The following ADAM8 variants were observed in gnomAD, a reference collection of about 807,000 sequenced individuals.
The protein encoded by ADAM8 is disintegrin and metalloproteinase domain-containing protein 8.
A neutral mutation model predicts 102.4 loss-of-function variants in ADAM8; 104 were observed. The observed-to-expected ratio is 1.02, with a 90% CI of 0.87 to 1.20. The LOEUF is 1.20. Ranked by LOEUF, ADAM8 falls within the 50% of genes most tolerant of loss-of-function variation. The probability of loss-of-function intolerance (pLI) is 0.00; values close to 1 mark genes in which losing one functional copy is unlikely to be tolerated. For synonymous variants in ADAM8, 517 were observed against 485.2 expected, an observed-to-expected ratio of 1.07 and a Z score of -0.86; for missense variants, 1,132 against 1,159.0, an observed-to-expected ratio of 0.98 and a Z score of 0.34.
At chr10:133,268,974 A>T in intron 18 of ADAM8, 112 bp from the exon 19 acceptor site, 1 of 1,500,224 alleles carries the variant, frequency 6.7e-7, no homozygotes. Context: ...TGCCCTGTGG[A>T]CCCCTCAGGG....
At position 133,267,390 on chromosome 10, in the gene ADAM8, AG is replaced by A; in HGVS notation, c.2280del (p.Phe761SerfsTer48). The part of the protein sequence containing the change: ...PAPPVTVSSP[P>X]FPVPVYTRQA... ...TGCCGGGTGTAGACAGGAACTGGGA[AG>A]GGTGGGCTGGACACAGTGACCGGAG... is the stretch of plus-strand genomic sequence containing the variant. On this transcript the variant is annotated frameshift_variant, in exon 21 of 23. Coordinates refer to ENST00000445355, the MANE Select transcript of ADAM8 (RefSeq NM_001109.5). LOFTEE classifies it high-confidence loss of function. The A allele has an allele frequency of 1.2e-6, 2 of 1,610,668 alleles. No homozygotes were observed. Among genetic ancestry groups the A allele is most frequent in the Non-Finnish European group, 1.7e-6 (2 of 1,179,222 alleles).
chr10:133,274,145 C>G lies in ADAM8; in HGVS notation c.227+14G>C. The G allele has an allele frequency of 6.3e-7, 1 of 1,583,530 alleles. No homozygotes were observed. The highest frequency in any genetic ancestry group is 1.3e-5 in the African/African-American group (1 of 74,420). On this transcript the variant is annotated intron_variant, in intron 3 of 22. Transcript: ENST00000445355. ...CCAGGCCCGGGCAGGGGGGCCGACC[C>G]GAGACCCACTCACCTGTTCTTCCGC... is the stretch of plus-strand genomic sequence containing the variant.
At chr10:133,272,369 GCCCTCCCTCCC>G in intron 9 of ADAM8, 36 bp downstream of exon 9, 1 of 197,700 alleles carries the variant, frequency 5.1e-6, no homozygotes, top group Non-Finnish European at 7.4e-6. Context: ...CACCCTGCCC[GCCCTCCCTCCC>G]CAGCCCTCCC....
chr10:133,273,141 T>C, intron 6 of ADAM8, 113 bp downstream of exon 6: 3 of 1,586,784 alleles, frequency 1.9e-6, no homozygotes, highest in Non-Finnish European at 2.6e-6. Context: ...CCAGGCCTGC[T>C]CCAGGCTGCA....
chr10:133,270,335 C>T (rs374643932), intron 16 of ADAM8, 25 bp downstream of exon 16: 159 of 1,564,986 alleles, frequency 1.0e-4, no homozygotes, highest in Non-Finnish European at 1.3e-4. Context: ...TGGGGGGTGG[C>T]GCGGCCTCTG....
rs529168738 is a variant in ADAM8, at chr10:133,272,696, G to C, written c.705+102C>G. The stretch of plus-strand genomic sequence containing the variant: ...CACGGCGAGGTGGGGCCAGGCACAG[G>C]TGCGGGGCAGAGCTGGAGCAGGTGG... On this transcript the variant is annotated intron_variant, in intron 8 of 22. Transcript: ENST00000445355. The C allele has an allele frequency of 9.1e-6, 14 of 1,535,798 alleles. No individual in the cohort carries two copies. The East Asian group carries it at 2.5e-4, about 27-fold the overall frequency.
chr10:133,270,859 G>A (rs375446008), intron 14 of ADAM8, 22 bp downstream of exon 14: 128 of 1,610,406 alleles, frequency 7.9e-5, no homozygotes, highest in Non-Finnish European at 1.0e-4. Context: ...ACCCTGCCAG[G>A]CCAGCTCTGT....
intron 1 of ADAM8, 113 bp from the exon 2 acceptor site, chr10:133,275,700 A>T: frequency 1.7e-6 from 1 of 584,140 alleles, no homozygotes; most frequent in South Asian, 2.5e-5. Context: ...CCCCTGGGGA[A>T]CTCACCAGAT....
intron 2 of ADAM8, chr10:133,275,081 C>T (rs1440933605): frequency 2.4e-5 from 7 of 286,120 alleles, no homozygotes; most frequent in East Asian, 2.6e-4. Flanking sequence ...CAGCCCCAGT[C>T]GGGGAGGGGG....
chr10:133,275,559 G>A lies in ADAM8; in HGVS notation c.75C>T (p.Leu25=). ...GCAACACGACCTCATACTGCTCCATGAGGGCCCAGGGCCGGCTGGGGGCAA... is the reference window on the plus strand; with the variant it reads ...GCAACACGACCTCATACTGCTCCATAAGGGCCCAGGGCCGGCTGGGGGCAA... ...PAIAPSRPWA[L]MEQYEVVLPW... Residue 25 remains leucine (L), a synonymous_variant, in exon 2 of 23, where the codon CTC becomes CTT. Transcript: ENST00000445355. The A allele has an allele frequency of 6.7e-7, 1 of 1,502,190 alleles. No homozygotes were observed. Among genetic ancestry groups the A allele is most frequent in the Non-Finnish European group, 8.9e-7 (1 of 1,128,762 alleles). The allele number at this position is 1,502,190 out of a possible 1,614,324, so 93.1% of individuals were successfully genotyped here. A position where few individuals can be genotyped will look rare whatever the true frequency, so the allele number is the denominator to read the frequency against.
chr10:133,275,012 C>T lies in ADAM8; in HGVS notation c.150+472G>A, dbSNP rs1254253153. 7.2e-5 allele frequency: 24 copies of T among 332,890 alleles called. No individual in the cohort carries two copies. The Admixed American group carries it at 9.5e-4, about 13-fold the overall frequency. 20.6% of individuals were successfully genotyped at this position (332,890 alleles called of 1,614,324 possible). ...CTCCCTGGAAACAGGTGCACACATG[C>T]ATATGCCGTGCACATGTGTGCACAC... On this transcript the variant is annotated intron_variant, in intron 2 of 22. Coordinates refer to ENST00000445355, the MANE Select transcript of ADAM8 (RefSeq NM_001109.5).
At chr10:133,271,436 C>G (rs1349193119) in intron 12 of ADAM8, 92 bp downstream of exon 12, 4 of 1,475,490 alleles carry the variant, frequency 2.7e-6, no homozygotes, top group Non-Finnish European at 3.6e-6. Flanking sequence ...CCCCAAGTTC[C>G]ACGTGTGGAT....
chr10:133,263,146 A>G lies in ADAM8; in HGVS notation c.*10T>C. On this transcript the variant is annotated 3_prime_UTR_variant, in exon 23 of 23. Transcript: ENST00000445355. Reference sequence around the variant, plus strand: ...CTTCTCCAAATTTCCACACAGGCGCAGGTGCCCCCCTAGGGTGCTGTGGGA... The same window carrying G: ...CTTCTCCAAATTTCCACACAGGCGCGGGTGCCCCCCTAGGGTGCTGTGGGA... 6.2e-7 allele frequency: 1 copy of G among 1,613,972 alleles called. No individual in the cohort carries two copies. Among genetic ancestry groups the G allele is most frequent in the South Asian group, 1.1e-5 (1 of 91,084 alleles).
chr10:133,267,909 C>A lies in ADAM8; in HGVS notation c.2253+20G>T. 8.0e-7 allele frequency: 1 copy of A among 1,257,182 alleles called. No homozygotes were observed. The highest frequency in any genetic ancestry group is 1.0e-6 in the Non-Finnish European group (1 of 995,828). The allele number at this position is 1,257,182 out of a possible 1,614,324, so 77.9% of individuals were successfully genotyped here. A position where few individuals can be genotyped will look rare whatever the true frequency, so the allele number is the denominator to read the frequency against. On this transcript the variant is annotated intron_variant, in intron 20 of 22. Coordinates refer to ENST00000445355, the MANE Select transcript of ADAM8 (RefSeq NM_001109.5). ...GGGCACTGCTTTCGGCCTCATGAAC[C>A]CGCCAGGGGTGGTGCTTACAGCAGG...
chr10:133,275,842 G>A, intron 1 of ADAM8: 1 of 428,690 alleles, frequency 2.3e-6, no homozygotes, highest in Admixed American at 4.5e-5. Context: ...GTGCCAGCGG[G>A]TGCCAGTGAC....
chr10:133,263,209 G>A lies in ADAM8; in HGVS notation c.2422C>T (p.Leu808=). The A allele has an allele frequency of 6.2e-7, 1 of 1,612,362 alleles. No homozygotes were observed. Among genetic ancestry groups the A allele is most frequent in the Non-Finnish European group, 8.5e-7 (1 of 1,178,862 alleles). Residue 808 remains leucine (L), a synonymous_variant, in exon 23 of 23, where the codon CTG becomes TTG. Transcript: ENST00000445355. ...AEGAVGPKVA[L]KPPIQRKQGA... ...TGCTTCCTCTGGATGGGGGGCTTCAGGGCAACCTTTGGGCCAACAGCACCC... is the reference window on the plus strand; with the variant it reads ...TGCTTCCTCTGGATGGGGGGCTTCAAGGCAACCTTTGGGCCAACAGCACCC...
rs553189513 is a variant in ADAM8 at position 133,273,747 on chromosome 10, G to A, written c.383+15C>T. Reference sequence around the variant, plus strand: ...TCCACCTGCGGGAGCCCTGGCGTTCGTCCGCCACACCCACCTGAGGCCGGC... The same window carrying A: ...TCCACCTGCGGGAGCCCTGGCGTTCATCCGCCACACCCACCTGAGGCCGGC... On this transcript the variant is annotated intron_variant, in intron 5 of 22. Transcript: ENST00000445355. 71 of 1,545,504 alleles carry A rather than the reference G, an allele frequency of 4.6e-5. No homozygotes were observed. In the Middle Eastern group the frequency reaches 8.6e-4, roughly 19 times the overall value.
At position 133,271,848 on chromosome 10, in the gene ADAM8, TC is replaced by T. The variant is rs750508862; in HGVS notation, c.1063del (p.Glu355AsnfsTer105). On this transcript the variant is annotated frameshift_variant, in exon 11 of 23. Coordinates refer to ENST00000445355, the MANE Select transcript of ADAM8 (RefSeq NM_001109.5). LOFTEE classifies it high-confidence loss of function. ...DENVQGCRCQERFEAGRCIMA... is the reference protein window; with the variant it reads ...DENVQGCRCQXRFEAGRCIMA... ...GATGCAGCGGCCGGCCTCGAAGCGTTCCTGGCAGCGGCAGCCCTGGACGTTC... is the reference window on the plus strand; with the variant it reads ...GATGCAGCGGCCGGCCTCGAAGCGTTCTGGCAGCGGCAGCCCTGGACGTTC... The T allele has an allele frequency of 7.4e-6, 12 of 1,612,490 alleles. No homozygotes were observed. The East Asian group carries it at 2.7e-4, about 36-fold the overall frequency.
At chr10:133,268,329 G>A (rs1346916874) in intron 19 of ADAM8, among the ~76,000 whole-genome samples, 7 of 152,358 alleles carry the variant, frequency 4.6e-5, no homozygotes, top group East Asian at 3.9e-4. Context: ...TCAGGTGGGC[G>A]GGAGATGCTT....
Sources: allele counts gnomAD v4.1 joint callset (sites outside exome capture counted in the v4.1 genomes callset), GRCh38; gene constraint gnomAD v4.1.1; transcripts MANE v1.5; gene names NCBI Gene and HGNC (gene_info 2026-07-23, HGNC 2026-07-21).